Variants in SEPTIN9 observed in about 807,000 individuals in gnomAD.
SEPTIN9 encodes the protein septin 9.
In SEPTIN9, 13 loss-of-function variants were observed where a neutral mutation model predicts 56.6. The observed-to-expected ratio is 0.23, with a 90% CI of 0.15 to 0.37. The LOEUF is 0.37. Ranked by LOEUF, SEPTIN9 falls within the 10% of genes least tolerant of loss-of-function variation. SEPTIN9 has a pLI of 1.00. For missense variants in SEPTIN9, 650 were observed against 823.1 expected (o/e 0.79, Z 2.57); for synonymous variants, 332 against 334.1 (o/e 0.99, Z 0.07).
At chr17:77,432,674 T>C (rs1377627346) in intron 3 of SEPTIN9, among the ~76,000 whole-genome samples, 1 of 151,804 alleles carries the variant, frequency 6.6e-6, no homozygotes, top group African/African-American at 2.4e-5. Flanking sequence ...GAGCGGGGGG[T>C]GTGTGAGGCC....
rs893577070 is a variant in SEPTIN9 at position 77,433,406 on chromosome 17, C to G, written c.721+30703C>G. On this transcript the variant is annotated intron_variant, in intron 3 of 11. Transcript: ENST00000427177. The surrounding 1 kb of genome is among the most constrained non-coding windows in gnomAD (Gnocchi z 6.4). Reference sequence around the variant, plus strand: ...GGCTGGGTGCGAGGACCCCCCCCGGCCAACAGGGTCTGCTTAGGTGTCCGT... The same window carrying G: ...GGCTGGGTGCGAGGACCCCCCCCGGGCAACAGGGTCTGCTTAGGTGTCCGT... 1.1e-4 allele frequency among the ~76,000 whole-genome samples: 16 copies of G among 151,216 alleles called. No individual in the cohort carries two copies. Among genetic ancestry groups the G allele is most frequent in the African/African-American group, 3.9e-4 (16 of 40,790 alleles).
intron 2 of SEPTIN9, among the ~76,000 whole-genome samples, chr17:77,392,544 C>A (rs1598300454): frequency 2.6e-5 from 2 of 77,980 alleles, no homozygotes; most frequent in Admixed American, 2.0e-4. Context: ...TAACCTTTGG[C>A]CACCAAGCTG....
At chr17:77,285,917 G>A (rs973745020) in intron 1 of SEPTIN9, among the ~76,000 whole-genome samples, 1 of 152,244 alleles carries the variant, frequency 6.6e-6, no homozygotes, top group Non-Finnish European at 1.5e-5. Flanking sequence ...GGAAGGGCAA[G>A]GAATTGCACC....
chr17:77,345,151 C>T (rs1041264402), intron 2 of SEPTIN9, among the ~76,000 whole-genome samples: 2 of 151,900 alleles, frequency 1.3e-5, no homozygotes, highest in African/African-American at 4.8e-5. Context: ...TGGAGGTTGC[C>T]AGAGGCTGGG....
chr17:77,376,344 G>A (rs943068827), intron 2 of SEPTIN9: 11 of 985,668 alleles, frequency 1.1e-5, no homozygotes, highest in Non-Finnish European at 1.3e-5. Flanking sequence ...GCAGCGCCGT[G>A]GGAGCACAGG....
chr17:77,347,974 A>T lies in SEPTIN9; in HGVS notation c.76+40777A>T, dbSNP rs114799140. ...TTGAGATGATATTTATTTTCCACTTATGATGGGTTTGTCAAGACATAACTC... is the reference window on the plus strand; with the variant it reads ...TTGAGATGATATTTATTTTCCACTTTTGATGGGTTTGTCAAGACATAACTC... On this transcript the variant is annotated intron_variant, in intron 2 of 11. Coordinates refer to ENST00000427177, the MANE Select transcript of SEPTIN9 (RefSeq NM_001113491.2). 4.4e-3 allele frequency among the ~76,000 whole-genome samples: 672 copies of T among 152,308 alleles called. 8 individuals are homozygous for T. Among genetic ancestry groups the T allele is most frequent in the African/African-American group, 0.015 (630 of 41,562 alleles).
intron 3 of SEPTIN9, among the ~76,000 whole-genome samples, chr17:77,417,838 A>AG (rs1190883614): frequency 2.6e-5 from 4 of 152,266 alleles, no homozygotes; most frequent in Admixed American, 2.0e-4. Flanking sequence ...CTCCTACCGG[A>AG]GGGGGGGTTC....
In SEPTIN9 at chr17:77,400,192, T is replaced by C. The variant is rs1329399071; in HGVS notation, c.77-1867T>C. ...GGTTTCACCACATCAGCCAGGCTGC[T>C]CAGTGTTTTAAAAAGGGCTTGTTTT... On this transcript the variant is annotated intron_variant, in intron 2 of 11. Coordinates refer to ENST00000427177, the MANE Select transcript of SEPTIN9 (RefSeq NM_001113491.2). This position sits in a 1 kb window ranked among gnomAD's most constrained non-coding sequence, Gnocchi z 4.1. Among the ~76,000 whole-genome samples the C allele has an allele frequency of 6.6e-6, 1 of 152,162 alleles. No homozygotes were observed. The highest frequency in any genetic ancestry group is 2.4e-5 in the African/African-American group (1 of 41,436).
chr17:77,452,601 G>C (rs554188929), intron 3 of SEPTIN9, among the ~76,000 whole-genome samples: 49 of 152,216 alleles, frequency 3.2e-4, no homozygotes, highest in Non-Finnish European at 4.6e-4. Flanking sequence ...AGGTCTGTTC[G>C]GGGCTGTGGA....
At position 77,445,294 on chromosome 17, in the gene SEPTIN9, C is replaced by T. The variant is rs1259979267; in HGVS notation, c.722-36850C>T. The T allele has an allele frequency of 2.1e-6, 1 of 466,978 alleles. No individual in the cohort carries two copies. The highest frequency in any genetic ancestry group is 4.4e-6 in the Non-Finnish European group (1 of 226,976). 28.9% of individuals were successfully genotyped at this position (466,978 alleles called of 1,614,324 possible). On this transcript the variant is annotated intron_variant, in intron 3 of 11. Coordinates refer to ENST00000427177, the MANE Select transcript of SEPTIN9 (RefSeq NM_001113491.2). This position sits in a 1 kb window ranked among gnomAD's most constrained non-coding sequence, Gnocchi z 4.7. ...TCCCCAGCCCTTTCCTCCGCACCCCCATGCAGAAGCGCGGCCGCCAGCTCA... is the reference window on the plus strand; with the variant it reads ...TCCCCAGCCCTTTCCTCCGCACCCCTATGCAGAAGCGCGGCCGCCAGCTCA...
intron 2 of SEPTIN9, among the ~76,000 whole-genome samples, chr17:77,384,842 AACACACACACACACACACACACAC>A (rs146495461): frequency 7.0e-6 from 1 of 142,258 alleles, no homozygotes; most frequent in South Asian, 2.4e-4. Context: ...AACCTGTTTA[AACACACACACACACACACACACAC>A]ACACACACAC....
intron 3 of SEPTIN9, among the ~76,000 whole-genome samples, chr17:77,466,010 G>T (rs2038703546): frequency 6.7e-6 from 1 of 150,172 alleles, no homozygotes; most frequent in Admixed American, 6.6e-5. Context: ...GTCTCCCAGG[G>T]CCAACGTCTT....
intron 3 of SEPTIN9, among the ~76,000 whole-genome samples, chr17:77,442,954 T>C (rs1195781408): frequency 1.3e-5 from 2 of 152,122 alleles, no homozygotes; most frequent in East Asian, 3.9e-4. Flanking sequence ...CCTTAGGAGC[T>C]GAGATGGGAG....
chr17:77,434,600 G>A lies in SEPTIN9; in HGVS notation c.721+31897G>A, dbSNP rs1209060471. Reference sequence around the variant, plus strand: ...CAGGTAGTCCCCTGTGGTTGAAGGTGCCCTGGCAGGACCTGCACCATGACC... The same window carrying A: ...CAGGTAGTCCCCTGTGGTTGAAGGTACCCTGGCAGGACCTGCACCATGACC... On this transcript the variant is annotated intron_variant, in intron 3 of 11. Coordinates refer to ENST00000427177, the MANE Select transcript of SEPTIN9 (RefSeq NM_001113491.2). The surrounding 1 kb of genome is among the most constrained non-coding windows in gnomAD (Gnocchi z 5.0). Among the ~76,000 whole-genome samples, 1 of 152,198 alleles carries A rather than the reference G, an allele frequency of 6.6e-6. No homozygotes were observed. The highest frequency in any genetic ancestry group is 6.5e-5 in the Admixed American group (1 of 15,286).
intron 2 of SEPTIN9, among the ~76,000 whole-genome samples, chr17:77,377,939 C>T (rs1313255544): frequency 5.3e-5 from 8 of 152,144 alleles, no homozygotes; most frequent in Non-Finnish European, 7.3e-5. Context: ...GCCTCTTACA[C>T]GGGTCCCACA....
At chr17:77,411,668 A>G (rs1029571679) in intron 3 of SEPTIN9, among the ~76,000 whole-genome samples, 3 of 151,856 alleles carry the variant, frequency 2.0e-5, no homozygotes, top group Admixed American at 6.6e-5. Flanking sequence ...CCAAAGTAGC[A>G]CGTTCCTTTT....
intron 3 of SEPTIN9, among the ~76,000 whole-genome samples, chr17:77,415,424 T>C (rs1189824421): frequency 6.6e-6 from 1 of 152,126 alleles, no homozygotes; most frequent in Non-Finnish European, 1.5e-5. Context: ...CTGGCCAACA[T>C]GGCAAAACCC....
At chr17:77,281,652 C>T in intron 1 of SEPTIN9, 98 bp downstream of exon 1, 1 of 1,200,204 alleles carries the variant, frequency 8.3e-7, no homozygotes, top group Middle Eastern at 2.4e-4. Flanking sequence ...GCCCCCGGAG[C>T]TGAGCGAGTC....
At chr17:77,419,620 C>G (rs983157860) in intron 3 of SEPTIN9, among the ~76,000 whole-genome samples, 3 of 152,308 alleles carry the variant, frequency 2.0e-5, no homozygotes, top group Middle Eastern at 6.8e-3. Flanking sequence ...CTAGAGGTCT[C>G]TCTCCCGGTC....
Sources: allele counts gnomAD v4.1 joint callset (sites outside exome capture counted in the v4.1 genomes callset), GRCh38; gene constraint gnomAD v4.1.1; non-coding constraint Gnocchi (gnomAD v3.1); transcripts MANE v1.5; gene names NCBI Gene and HGNC (gene_info 2026-07-23, HGNC 2026-07-21).